NSF: variants seen among roughly 807,000 people sequenced by gnomAD.
NSF encodes the protein vesicle-fusing ATPase.
Under a neutral mutation model 50.3 loss-of-function variants are expected in NSF, and 14 were observed. The ratio of observed to expected loss-of-function variants is 0.28; its 90% confidence interval spans 0.18 to 0.44. NSF has a LOEUF of 0.44. Among genes scored for constraint, NSF ranks in the 20% least tolerant of loss-of-function variants. The pLI is 1.00. For synonymous variants in NSF, 109 were observed against 175.7 expected (o/e 0.62, Z 3.00); for missense variants, 218 against 504.3 (o/e 0.43, Z 5.44).
Position 46,673,911 on chromosome 17 carries a change from GTGT to G in NSF, c.746-502_746-500del, listed in dbSNP as rs1357302294. On this transcript the variant is annotated intron_variant, in intron 8 of 20. Coordinates refer to ENST00000398238, the MANE Select transcript of NSF (RefSeq NM_006178.4). ...TATGGCTGAATAGTATTCCATGGGG[GTGT>G]GTGTGTGTGTGTGTGTGTGTGTGTG... is the stretch of plus-strand genomic sequence containing the variant. Among the ~76,000 whole-genome samples, 3 of 5,482 alleles carry G rather than the reference GTGT, an allele frequency of 5.5e-4. 1 individual carries two copies. The highest frequency in any genetic ancestry group is 4.5e-3 in the East Asian group (3 of 662). The allele number at this position is 5,482 out of a possible 152,430, so 3.6% of individuals were successfully genotyped here.
At chr17:46,691,903 C>A (rs2058551422) in intron 9 of NSF, among the ~76,000 whole-genome samples, 1 of 151,208 alleles carries the variant, frequency 6.6e-6, no homozygotes, top group Admixed American at 6.6e-5. Context: ...CAGGCACCTG[C>A]CACCACACCC....
At chr17:46,605,378 G>A (rs1318132550) in intron 1 of NSF, among the ~76,000 whole-genome samples, 6 of 131,090 alleles carry the variant, frequency 4.6e-5, no homozygotes, top group African/African-American at 1.7e-4. Context: ...AACCTGGGAG[G>A]TGGAGGTTGC....
Position 46,708,822 on chromosome 17 carries a change from A to AT in NSF, c.1471-2120dup, listed in dbSNP as rs386627394. ...ATTTATTTTATATATATATATATAT[A>AT]TTTTTTTTTTTTTTTTTTTTTGAGA... On this transcript the variant is annotated intron_variant, in intron 13 of 20. Coordinates refer to ENST00000398238, the MANE Select transcript of NSF (RefSeq NM_006178.4). 3.3e-3 allele frequency among the ~76,000 whole-genome samples: 354 copies of AT among 108,854 alleles called. 14 individuals are homozygous for AT. The highest frequency in any genetic ancestry group is 0.011 in the African/African-American group (300 of 26,532). The allele number at this position is 108,854 out of a possible 152,430, so 71.4% of individuals were successfully genotyped here. A position where few individuals can be genotyped will look rare whatever the true frequency, so the allele number is the denominator to read the frequency against.
intron 17 of NSF, among the ~76,000 whole-genome samples, chr17:46,743,474 T>A (rs2059097875): frequency 1.3e-5 from 2 of 152,192 alleles, no homozygotes; most frequent in Non-Finnish European, 2.9e-5. Flanking sequence ...ATCGCATATT[T>A]ATGGTTGAGG....
At chr17:46,714,638 A>G (rs2058751037) in intron 15 of NSF, among the ~76,000 whole-genome samples, 1 of 152,200 alleles carries the variant, frequency 6.6e-6, no homozygotes, top group African/African-American at 2.4e-5. Context: ...GTGCCATGCA[A>G]CAACAACAAC....
chr17:46,611,819 A>G (rs2146122135), intron 1 of NSF, among the ~76,000 whole-genome samples: 1 of 134,714 alleles, frequency 7.4e-6, no homozygotes, highest in Non-Finnish European at 1.6e-5. Context: ...TTTTAAAGAT[A>G]TAACACAAAA....
At chr17:46,691,634 G>A (rs199458) in intron 9 of NSF, among the ~76,000 whole-genome samples, 21,356 of 151,108 alleles carry the variant, frequency 0.14, 3,212 homozygotes, top group East Asian at 0.6. Flanking sequence ...TATCCTTATC[G>A]GAGATTTAAT....
intron 13 of NSF, among the ~76,000 whole-genome samples, chr17:46,708,058 A>G (rs1163865005): frequency 1.3e-5 from 2 of 151,192 alleles, no homozygotes; most frequent in African/African-American, 4.9e-5. Flanking sequence ...AAAATCCATG[A>G]TATGTACATA....
chr17:46,747,305 GA>G (rs1477731593), intron 17 of NSF, among the ~76,000 whole-genome samples: 19 of 152,138 alleles, frequency 1.2e-4, no homozygotes, highest in African/African-American at 4.6e-4. Flanking sequence ...TTTTGAGACA[GA>G]GTCTCACTTT....
At chr17:46,688,284 G>A (rs1408323477) in intron 9 of NSF, among the ~76,000 whole-genome samples, 1 of 150,968 alleles carries the variant, frequency 6.6e-6, no homozygotes, top group Non-Finnish European at 1.5e-5. Flanking sequence ...GCCAAGGTGG[G>A]AGGATCACTT....
At chr17:46,681,492 AAAAAT>A (rs1356684859) in intron 9 of NSF, among the ~76,000 whole-genome samples, 1 of 148,868 alleles carries the variant, frequency 6.7e-6, no homozygotes, top group Non-Finnish European at 1.5e-5. Context: ...CCTGTCTCAA[AAAAAT>A]AAAATGAATA....
At chr17:46,754,220 G>T (rs1598742872) in intron 19 of NSF, among the ~76,000 whole-genome samples, 1 of 139,976 alleles carries the variant, frequency 7.1e-6, no homozygotes, top group South Asian at 2.3e-4. Context: ...AAGGAAAAAT[G>T]TTTCTTTTGT....
intron 15 of NSF, among the ~76,000 whole-genome samples, chr17:46,714,648 C>A (rs566653787): frequency 2.0e-4 from 31 of 152,190 alleles, no homozygotes; most frequent in Non-Finnish European, 4.0e-4. Context: ...ACAACAACAA[C>A]AAAAATCAAT....
chr17:46,735,907 T>C (rs1348716757), intron 17 of NSF, among the ~76,000 whole-genome samples: 1 of 152,160 alleles, frequency 6.6e-6, no homozygotes, highest in Admixed American at 6.5e-5. Flanking sequence ...ATTGTACCAC[T>C]GCACTCCATC....
chr17:46,751,541 T>C lies in NSF; in HGVS notation c.2082T>C (p.Ile694=). 1 of 1,614,098 alleles carries C rather than the reference T, an allele frequency of 6.2e-7. No homozygotes were observed. The highest frequency in any genetic ancestry group is 1.1e-5 in the South Asian group (1 of 91,058). The part of the protein sequence containing the change: ...GNFKDKERTT[I]AQQVKGKKVW... ...TCAAGGATAAGGAACGCACCACAAT[T>C]GCACAGCAAGTCAAAGGGAAGAAGG... The change falls in exon 19 of 21, where the codon ATT becomes ATC. Residue 694 remains isoleucine (I), a synonymous_variant. Coordinates refer to ENST00000398238, the MANE Select transcript of NSF (RefSeq NM_006178.4).
In NSF at chr17:46,713,841, A is replaced by G. The variant is rs1261811856; in HGVS notation, c.1628-12A>G. Reference sequence around the variant, plus strand: ...GGCTTTTTTCCCCTGACTTGCTCATATCTTTATGCAGGCCCTCCTCACAGT... The same window carrying G: ...GGCTTTTTTCCCCTGACTTGCTCATGTCTTTATGCAGGCCCTCCTCACAGT... On this transcript the variant is annotated splice_polypyrimidine_tract_variant and intron_variant, in intron 14 of 20. Transcript: ENST00000398238. 1 of 1,606,818 alleles carries G rather than the reference A, an allele frequency of 6.2e-7. No homozygotes were observed. The highest frequency in any genetic ancestry group is 8.5e-7 in the Non-Finnish European group (1 of 1,178,316).
intron 7 of NSF, among the ~76,000 whole-genome samples, chr17:46,642,509 TCTTGAGAATTTTTA>T (rs1221406466): frequency 3.0e-5 from 4 of 134,822 alleles, no homozygotes; most frequent in Non-Finnish European, 4.5e-5. Context: ...ATTTTTGTCC[TCTTGAGAATTTTTA>T]AACATGAGTT....
At chr17:46,729,644 G>A (rs964500243) in intron 17 of NSF, among the ~76,000 whole-genome samples, 1 of 152,122 alleles carries the variant, frequency 6.6e-6, no homozygotes, top group Non-Finnish European at 1.5e-5. Flanking sequence ...CTTGAAAAAT[G>A]CCAATCAAAG....
intron 17 of NSF, among the ~76,000 whole-genome samples, chr17:46,730,438 C>T (rs929968014): frequency 6.6e-5 from 10 of 152,222 alleles, no homozygotes; most frequent in South Asian, 6.2e-4. Flanking sequence ...AACAGAGGTA[C>T]ACCCCCTTGG....
Sources: allele counts gnomAD v4.1 joint callset (sites outside exome capture counted in the v4.1 genomes callset), GRCh38; gene constraint gnomAD v4.1.1; transcripts MANE v1.5; gene names NCBI Gene and HGNC (gene_info 2026-07-23, HGNC 2026-07-21).